The following SPAG5 variants were observed in gnomAD, a reference collection of about 807,000 sequenced individuals.
SPAG5 encodes sperm-associated antigen 5.
Under a neutral mutation model 145.4 loss-of-function variants are expected in SPAG5, and 99 were observed. The observed-to-expected ratio is 0.68, with a 90% CI of 0.58 to 0.80. SPAG5 has a LOEUF of 0.80. Among genes scored for constraint, SPAG5 ranks in the 30% least tolerant of loss-of-function variants. The pLI is 0.00. For synonymous variants in SPAG5, 477 were observed against 525.4 expected (o/e 0.91, Z 1.26); for missense variants, 1,192 against 1,416.0 (o/e 0.84, Z 2.54).
chr17:28,592,451 G>A lies in SPAG5; in HGVS notation c.793C>T (p.Pro265Ser), dbSNP rs758511842. 6.2e-7 allele frequency: 1 copy of A among 1,613,566 alleles called. No individual in the cohort carries two copies. Among genetic ancestry groups the A allele is most frequent in the Non-Finnish European group, 8.5e-7 (1 of 1,180,018 alleles). ...CCATGCTCTACAATTTCCTCCTCTG[G>A]GTCCACATGATTGACACGGAAATCT... ...AADFRVNHVD[P>S]EEEIVEHGAM... The change falls in exon 3 of 24, where the codon CCA (proline) becomes TCA (serine). Residue 265 changes from proline (P) to serine (S), a missense_variant. Pro to Ser is a moderately conservative substitution (Grantham distance 74). Coordinates refer to ENST00000321765, the MANE Select transcript of SPAG5 (RefSeq NM_006461.4).
At position 28,592,727 on chromosome 17, in the gene SPAG5, C is replaced by T. The variant is rs775975845; in HGVS notation, c.517G>A (p.Glu173Lys). The T allele has an allele frequency of 8.7e-6, 14 of 1,614,098 alleles. No homozygotes were observed. Among genetic ancestry groups the T allele is most frequent in the African/African-American group, 2.7e-5 (2 of 74,934 alleles). Residue 173 changes from glutamate (E) to lysine (K), a missense_variant, in exon 3 of 24, where the codon GAG (glutamate) becomes AAG (lysine). Around this residue, in one of 5 missense-constraint regions of SPAG5, gnomAD observed 329 missense variants for 354.0 expected, o/e 0.93. Coordinates refer to ENST00000321765, the MANE Select transcript of SPAG5 (RefSeq NM_006461.4). ...PLRTDDLVRE[E>K]VAPCMGDRFS... ...CTGTCTCCCATGCAGGGTGCCACCT[C>T]CTCTCTCACCAGATCGTCTGTTCTC...
Position 28,577,688 on chromosome 17 carries a change from C to CT in SPAG5, c.*10dup. On this transcript the variant is annotated 3_prime_UTR_variant, in exon 24 of 24. Coordinates refer to ENST00000321765, the MANE Select transcript of SPAG5 (RefSeq NM_006461.4). ...TAAAAAGAGGTGAAGCAGATTCTGG[C>CT]TTTCAGTTTCTTAGCTCAGAAATTC... 6.2e-7 allele frequency: 1 copy of CT among 1,608,066 alleles called. No homozygotes were observed. The highest frequency in any genetic ancestry group is 1.3e-5 in the African/African-American group (1 of 74,908).
rs2070684426 is a variant in SPAG5, at chr17:28,598,482, G to A, written c.177+28C>T. 4.3e-6 allele frequency: 7 copies of A among 1,611,054 alleles called. No individual in the cohort carries two copies. In the East Asian group the frequency reaches 1.6e-4, roughly 36 times the overall value. On this transcript the variant is annotated intron_variant, in intron 2 of 23. Transcript: ENST00000321765. The stretch of plus-strand genomic sequence containing the variant: ...GCTCTCACCCTGGGCAAACAGCCCA[G>A]TCGAGAAGCTGTCCAGGCGAATCTC...
At position 28,586,101 on chromosome 17, in the gene SPAG5, C is replaced by G. The variant is rs764407912; in HGVS notation, c.1594G>C (p.Val532Leu). The change falls in exon 6 of 24, where the codon GTG becomes CTG. Residue 532 changes from valine (V) to leucine (L), a missense_variant. Val to Leu is a conservative substitution (Grantham distance 32). Coordinates refer to ENST00000321765, the MANE Select transcript of SPAG5 (RefSeq NM_006461.4). ...TTCAGGCTGCTTACCTCCTGACTCA[C>G]AGTAGTCTTATCTTCTTCTAAATGC... ...LLHLEEDKTT[V>L]SQESRRAETL... The G allele has an allele frequency of 5.0e-6, 8 of 1,614,070 alleles. No homozygotes were observed. The highest frequency in any genetic ancestry group is 6.8e-6 in the Non-Finnish European group (8 of 1,179,924).
chr17:28,596,840 T>C (rs2070668521), intron 2 of SPAG5, among the ~76,000 whole-genome samples: 1 of 152,148 alleles, frequency 6.6e-6, no homozygotes, highest in African/African-American at 2.4e-5. Context: ...GCACAGTGGC[T>C]CACGCCTATA....
chr17:28,590,512 G>A (rs779797398), intron 4 of SPAG5, among the ~76,000 whole-genome samples: 1 of 152,064 alleles, frequency 6.6e-6, no homozygotes, highest in South Asian at 2.1e-4. Flanking sequence ...TTACAGGGGT[G>A]AGCCACTATG....
In SPAG5 at chr17:28,584,838, A is replaced by G. The variant is rs1445334499; in HGVS notation, c.2068-93T>C. On this transcript the variant is annotated intron_variant, in intron 10 of 23. Transcript: ENST00000321765. ...CTTCTCTTTCTGGACAAGACAGAAA[A>G]CTACCTTGCTCCTGGGCATCAACAT... 5.9e-6 allele frequency: 6 copies of G among 1,011,440 alleles called. No individual in the cohort carries two copies. In the African/African-American group the frequency reaches 9.6e-5, roughly 16 times the overall value. The allele number at this position is 1,011,440 out of a possible 1,614,324, so 62.7% of individuals were successfully genotyped here.
At chr17:28,594,959 C>CA (rs574650095) in intron 2 of SPAG5, among the ~76,000 whole-genome samples, 6,297 of 143,696 alleles carry the variant, frequency 0.044, 188 homozygotes, top group Non-Finnish European at 0.07. Flanking sequence ...GACCCTGTCT[C>CA]AAAAAAAAAA....
At chr17:28,588,905 C>A (rs1382234502) in intron 4 of SPAG5, among the ~76,000 whole-genome samples, 1 of 152,096 alleles carries the variant, frequency 6.6e-6, no homozygotes, top group Non-Finnish European at 1.5e-5. Flanking sequence ...TGGTCTCAAA[C>A]TCCTGGCCTC....
At position 28,594,519 on chromosome 17, in the gene SPAG5, C is replaced by T. The variant is rs544173779; in HGVS notation, c.178-1453G>A. Among the ~76,000 whole-genome samples the T allele has an allele frequency of 1.2e-4, 18 of 152,072 alleles. No homozygotes were observed. In the East Asian group the frequency reaches 1.7e-3, roughly 15 times the overall value. On this transcript the variant is annotated intron_variant, in intron 2 of 23. Coordinates refer to ENST00000321765, the MANE Select transcript of SPAG5 (RefSeq NM_006461.4). ...CTGAGGCAGGAGAATGGCGTGAACC[C>T]GGGAGGTGGAGCTTGCAGTGAGCCA...
Position 28,592,285 on chromosome 17 carries a change from G to A in SPAG5, c.959C>T (p.Ala320Val). ...AACATCTTCTACTGCTGGGCCTGGAGCTTCTTGGGATTCCATTTCTACTAG... is the reference window on the plus strand; with the variant it reads ...AACATCTTCTACTGCTGGGCCTGGAACTTCTTGGGATTCCATTTCTACTAG... ...PNLVEMESQE[A>V]PGPAVEDVGR... Residue 320 changes from alanine (A) to valine (V), a missense_variant, in exon 3 of 24, where the codon GCT (alanine) becomes GTT (valine). Coordinates refer to ENST00000321765, the MANE Select transcript of SPAG5 (RefSeq NM_006461.4). The A allele has an allele frequency of 2.5e-6, 4 of 1,614,178 alleles. No individual in the cohort carries two copies. The highest frequency in any genetic ancestry group is 3.4e-6 in the Non-Finnish European group (4 of 1,180,030).
At chr17:28,595,374 T>C (rs540350360) in intron 2 of SPAG5, among the ~76,000 whole-genome samples, 1 of 152,278 alleles carries the variant, frequency 6.6e-6, no homozygotes, top group South Asian at 2.1e-4. Context: ...GACATTTATC[T>C]AAGATACCAG....
At chr17:28,590,946 C>A (rs2151522327) in intron 4 of SPAG5, among the ~76,000 whole-genome samples, 1 of 148,262 alleles carries the variant, frequency 6.7e-6, no homozygotes, top group East Asian at 2.0e-4. Flanking sequence ...CTTGAGGGGA[C>A]AGATACAGAT....
At chr17:28,587,365 G>A (rs1216827320) in intron 4 of SPAG5, among the ~76,000 whole-genome samples, 1 of 151,696 alleles carries the variant, frequency 6.6e-6, no homozygotes, top group East Asian at 1.9e-4. Context: ...TGACCAACAT[G>A]GAGAAACCCC....
rs561337441 is a variant in SPAG5 at position 28,598,608 on chromosome 17, G to A, written c.79C>T (p.Arg27Cys). The A allele has an allele frequency of 5.6e-6, 9 of 1,610,246 alleles. No homozygotes were observed. In the Admixed American group the frequency reaches 6.8e-5, roughly 12 times the overall value. Residue 27 changes from arginine (R) to cysteine (C), a missense_variant, in exon 2 of 24, where the codon CGT (arginine) becomes TGT (cysteine). Arg to Cys is a radical substitution (Grantham distance 180). Around this residue, in one of 5 missense-constraint regions of SPAG5, gnomAD observed 329 missense variants for 354.0 expected, o/e 0.93. Transcript: ENST00000321765. ...TGKPSMRTPL[R>C]ELTLQPGALT... ...GCACCGGGCTGCAGGGTAAGTTCAC[G>A]GAGAGGAGTTCTCATAGATGGTTTT...
chr17:28,587,317 C>T (rs1414550626), intron 4 of SPAG5, among the ~76,000 whole-genome samples: 4 of 151,142 alleles, frequency 2.6e-5, no homozygotes, highest in South Asian at 2.1e-4. Flanking sequence ...GAGGTCAAGG[C>T]GGGCGGATCA....
chr17:28,596,082 G>A (rs1463183123), intron 2 of SPAG5, among the ~76,000 whole-genome samples: 6 of 151,678 alleles, frequency 4.0e-5, no homozygotes, highest in Non-Finnish European at 7.4e-5. Flanking sequence ...GGCACACACC[G>A]TAATCCCAGC....
rs775689464 is a variant in SPAG5, at chr17:28,579,409, T to C, written c.2961A>G (p.Leu987=). 2.5e-6 allele frequency: 4 copies of C among 1,614,206 alleles called. No homozygotes were observed. The highest frequency in any genetic ancestry group is 2.5e-6 in the Non-Finnish European group (3 of 1,180,024). ...TTELQSLCSL[L]QESKEEAIRT... ...TGATGGCTTCTTCTTTAGACTCTTG[T>C]AGCAGGGAACAAAGACTCTGAAGCT... is the stretch of plus-strand genomic sequence containing the variant. Residue 987 remains leucine, a synonymous_variant, in exon 18 of 24, where the codon CTA becomes CTG. Coordinates refer to ENST00000321765, the MANE Select transcript of SPAG5 (RefSeq NM_006461.4).
At chr17:28,594,733 G>T (rs886344959) in intron 2 of SPAG5, among the ~76,000 whole-genome samples, 9 of 152,124 alleles carry the variant, frequency 5.9e-5, no homozygotes, top group African/African-American at 2.2e-4. Flanking sequence ...TTAGTTACAT[G>T]GATGTGTACT....
Sources: allele counts gnomAD v4.1 joint callset (sites outside exome capture counted in the v4.1 genomes callset), GRCh38; gene constraint gnomAD v4.1.1; regional missense constraint gnomAD v4.1.1; transcripts MANE v1.5; gene names NCBI Gene and HGNC (gene_info 2026-07-23, HGNC 2026-07-21).